The following LRCH3 variants were observed in gnomAD, a reference collection of about 807,000 sequenced individuals.
LRCH3 encodes the protein DISP complex protein LRCH3.
In LRCH3, 68 loss-of-function variants were observed where a neutral mutation model predicts 104.5. The ratio of observed to expected loss-of-function variants is 0.65; its 90% CI spans 0.54 to 0.80. The LOEUF is 0.80. Ranked by LOEUF, LRCH3 falls within the 30% of genes least tolerant of loss-of-function variation. The pLI, the probability that LRCH3 is intolerant of heterozygous loss-of-function variation, is 0.00. For synonymous variants in LRCH3, 344 were observed against 361.3 expected, an observed-to-expected ratio of 0.95 and a Z score of 0.54; for missense variants, 951 against 953.9, an observed-to-expected ratio of 1.00 and a Z score of 0.04.
chr3:197,846,524 C>T (rs1738743887), intron 10 of LRCH3, among the ~76,000 whole-genome samples: 1 of 150,858 alleles, frequency 6.6e-6, no homozygotes, highest in Non-Finnish European at 1.5e-5. Flanking sequence ...ATAATAAGAC[C>T]CTCATTGCCA....
At chr3:197,802,586 A>T (rs987940805) in intron 1 of LRCH3, among the ~76,000 whole-genome samples, 1 of 152,052 alleles carries the variant, frequency 6.6e-6, no homozygotes, top group African/African-American at 2.4e-5. Flanking sequence ...AAGGATTGTT[A>T]TTAGTTCTTC....
intron 20 of LRCH3, chr3:197,880,378 C>T: frequency 4.3e-6 from 3 of 703,148 alleles, no homozygotes; most frequent in Middle Eastern, 2.6e-4. Flanking sequence ...TTTTGTTCCT[C>T]AATGTAAAAA....
rs1182785616 is a variant in LRCH3, at chr3:197,880,611, A to C, written c.2209-2930A>C. 6 of 1,536,600 alleles carry C rather than the reference A, an allele frequency of 3.9e-6. No homozygotes were observed. In the African/African-American group the frequency reaches 8.2e-5, roughly 21 times the overall value. On this transcript the variant is annotated intron_variant, in intron 20 of 20. Coordinates refer to ENST00000425562, the MANE Select transcript of LRCH3 (RefSeq NM_001365715.1). ...TCTTGGGGCACACTCAGAAGAATCC[A>C]GTTTTGTCTGTCTCTCTCTGCAGCT...
intron 15 of LRCH3, among the ~76,000 whole-genome samples, chr3:197,861,324 T>G (rs1341848802): frequency 6.6e-6 from 1 of 152,200 alleles, no homozygotes; most frequent in Non-Finnish European, 1.5e-5. Context: ...GCAACTTTTT[T>G]TCAAAATGAT....
chr3:197,853,855 A>C (rs1739936694), intron 13 of LRCH3, among the ~76,000 whole-genome samples: 1 of 152,220 alleles, frequency 6.6e-6, no homozygotes, highest in South Asian at 2.1e-4. Context: ...CGACAACCAA[A>C]GTTTGATAAA....
In LRCH3 at chr3:197,841,622, G is replaced by A. The variant is rs561391107; in HGVS notation, c.1328+2225G>A. 6.6e-5 allele frequency among the ~76,000 whole-genome samples: 10 copies of A among 152,140 alleles called. No homozygotes were observed. In the South Asian group the frequency reaches 1.0e-3, roughly 16 times the overall value. On this transcript the variant is annotated intron_variant, in intron 10 of 20. Transcript: ENST00000425562. ...CGTGGAAGCCAAAAGTCTGCCTACCGCATCTTAGTCCAGAGTTCCTGTTTT... is the reference window on the plus strand; with the variant it reads ...CGTGGAAGCCAAAAGTCTGCCTACCACATCTTAGTCCAGAGTTCCTGTTTT...
chr3:197,838,839 G>C (rs1030811875), intron 9 of LRCH3, among the ~76,000 whole-genome samples: 17 of 152,256 alleles, frequency 1.1e-4, no homozygotes, highest in African/African-American at 3.6e-4. Context: ...AAGACTGTTT[G>C]TATGAGTATG....
intron 18 of LRCH3, 96 bp from the exon 19 acceptor site, chr3:197,871,229 T>A (rs778838952): frequency 1.9e-4 from 190 of 1,013,820 alleles, no homozygotes; most frequent in Non-Finnish European, 2.6e-4. Context: ...ATTTCCTTTT[T>A]ATCTTGATTT....
In LRCH3 at chr3:197,822,225, TTCC is replaced by T. The variant is rs545765111; in HGVS notation, c.640+1797_640+1799del. Among the ~76,000 whole-genome samples, 616 of 152,312 alleles carry T rather than the reference TTCC, an allele frequency of 4.0e-3. 1 individual carries two copies. The highest frequency in any genetic ancestry group is 0.01 in the Middle Eastern group (3 of 294). On this transcript the variant is annotated intron_variant, in intron 4 of 20. Transcript: ENST00000425562. ...CTTCACACTTTTTATCCTCAGGGCC[TTCC>T]TTATTTTCTCCTGGTTCTGTTTGCT...
chr3:197,865,460 C>T lies in LRCH3; in HGVS notation c.1754C>T (p.Ala585Val). The T allele has an allele frequency of 6.5e-7, 1 of 1,548,674 alleles. No homozygotes were observed. Among genetic ancestry groups the T allele is most frequent in the Non-Finnish European group, 8.7e-7 (1 of 1,147,160 alleles). Residue 585 changes from alanine (A) to valine (V), a missense_variant, in exon 16 of 21, where the codon GCA (alanine) becomes GTA (valine). Coordinates refer to ENST00000425562, the MANE Select transcript of LRCH3 (RefSeq NM_001365715.1). ...CCTAATGCTCTATTAAGTTCACCTG[C>T]AACAGAAACAGGTAATAGACACAAA... is the stretch of plus-strand genomic sequence containing the variant. The part of the protein sequence containing the change: ...DRPNALLSSP[A>V]TETVHHSPAY...
intron 15 of LRCH3, 112 bp downstream of exon 15, chr3:197,859,017 T>G (rs936178328): frequency 2.5e-6 from 2 of 795,496 alleles, no homozygotes; most frequent in Non-Finnish European, 4.5e-6. Flanking sequence ...CGCATAAATA[T>G]ACCTGTTTAT....
chr3:197,831,765 A>T (rs569317109), intron 7 of LRCH3, among the ~76,000 whole-genome samples: 26 of 151,860 alleles, frequency 1.7e-4, no homozygotes, highest in African/African-American at 6.0e-4. Context: ...CTACAGGCTT[A>T]TGCCACCATG....
intron 1 of LRCH3, among the ~76,000 whole-genome samples, chr3:197,799,653 G>C (rs191586971): frequency 1.1e-4 from 17 of 151,466 alleles, no homozygotes; most frequent in African/African-American, 4.1e-4. Flanking sequence ...GATCACCTGA[G>C]ATCAGGAGTT....
At chr3:197,832,394 C>G in intron 8 of LRCH3, 77 bp downstream of exon 8, 1 of 1,487,432 alleles carries the variant, frequency 6.7e-7, no homozygotes, top group Non-Finnish European at 9.2e-7. Context: ...ATACCCACTC[C>G]TTTTGTTGGT....
intron 1 of LRCH3, among the ~76,000 whole-genome samples, chr3:197,792,878 C>T (rs1309247350): frequency 6.6e-6 from 1 of 151,776 alleles, no homozygotes; most frequent in African/African-American, 2.4e-5. Context: ...TCTCGAACTC[C>T]TGACCTCAGG....
At chr3:197,877,634 C>T (rs1469609717) in intron 20 of LRCH3, among the ~76,000 whole-genome samples, 1 of 152,246 alleles carries the variant, frequency 6.6e-6, no homozygotes, top group Non-Finnish European at 1.5e-5. Flanking sequence ...CACAGCATCA[C>T]ATGTTACAAA....
intron 20 of LRCH3, chr3:197,880,587 C>T: frequency 1.3e-6 from 2 of 1,536,694 alleles, no homozygotes; most frequent in Non-Finnish European, 8.7e-7. Context: ...GCTCCTTTCT[C>T]TTGGGGCACA....
In LRCH3 at chr3:197,847,404, G is replaced by A. The variant is rs751419625; in HGVS notation, c.1329-5G>A. The A allele has an allele frequency of 1.3e-6, 2 of 1,578,540 alleles. No homozygotes were observed. Among genetic ancestry groups the A allele is most frequent in the Non-Finnish European group, 1.7e-6 (2 of 1,166,514 alleles). On this transcript the variant is annotated splice_region_variant and splice_polypyrimidine_tract_variant and intron_variant, in intron 10 of 20. Transcript: ENST00000425562. ...TTTTTCTTTCTTTTTTCTTTTTTGG[G>A]TCAGGGTTCCAGCTGAGCCATCTTC... is the stretch of plus-strand genomic sequence containing the variant.
In LRCH3 at chr3:197,887,203, G is replaced by A. The variant is rs1353477108; in HGVS notation, c.*3537G>A. Reference sequence around the variant, plus strand: ...AATTTTTGTATTCAGTATTTTGTATGTACCTTTTTTTTTTTAAATTGGAAA... The same window carrying A: ...AATTTTTGTATTCAGTATTTTGTATATACCTTTTTTTTTTTAAATTGGAAA... On this transcript the variant is annotated 3_prime_UTR_variant, in exon 21 of 21. Coordinates refer to ENST00000425562, the MANE Select transcript of LRCH3 (RefSeq NM_001365715.1). 4 of 151,828 alleles carry A rather than the reference G, an allele frequency of 2.6e-5. No individual in the cohort carries two copies. The highest frequency in any genetic ancestry group is 1.9e-4 in the East Asian group (1 of 5,174). 9.4% of individuals were successfully genotyped at this position (151,828 alleles called of 1,614,324 possible).
Sources: allele counts gnomAD v4.1 joint callset (sites outside exome capture counted in the v4.1 genomes callset), GRCh38; gene constraint gnomAD v4.1.1; transcripts MANE v1.5; gene names NCBI Gene and HGNC (gene_info 2026-07-23, HGNC 2026-07-21).